The following MPDZ variants were observed in gnomAD, a reference collection of about 807,000 sequenced individuals.
The protein encoded by MPDZ is multiple PDZ domain crumbs cell polarity complex component, also known as multiple PDZ domain protein.
MPDZ carries 234 observed loss-of-function variants against 239.1 expected under a neutral mutation model. The observed-to-expected ratio is 0.98, with a 90% CI of 0.88 to 1.09. The LOEUF is 1.09. Ranked by LOEUF, MPDZ falls within the 50% of genes least tolerant of loss-of-function variation. The pLI is 0.00. For missense variants in MPDZ, 3,175 were observed against 2,510.0 expected (o/e 1.26, Z -5.66); for synonymous variants, 1,048 against 881.3 (o/e 1.19, Z -3.35).
At chr9:13,258,341 T>C (rs1969916804) in intron 1 of MPDZ, among the ~76,000 whole-genome samples, 1 of 152,236 alleles carries the variant, frequency 6.6e-6, no homozygotes, top group South Asian at 2.1e-4. Flanking sequence ...CATACAATTT[T>C]CTACTTATCT....
In MPDZ at chr9:13,224,405, T is replaced by C. The variant is rs767115560; in HGVS notation, c.362A>G (p.Glu121Gly). The C allele has an allele frequency of 3.1e-6, 5 of 1,612,496 alleles. No homozygotes were observed. In the African/African-American group the frequency reaches 6.7e-5, roughly 22 times the overall value. The part of the protein sequence containing the change: ...PHINGKPACD[E>G]FDQLIKNMAQ... ...CATATTTTTGATAAGCTGATCAAAT[T>C]CATCACAAGCAGGTTTCCCATTAAT... Residue 121 changes from glutamate to glycine, a missense_variant, in exon 4 of 47, where the codon GAA (glutamate) becomes GGA (glycine). Physicochemically the swap from Glu to Gly is moderately conservative, Grantham distance 98. Coordinates refer to ENST00000319217, the MANE Select transcript of MPDZ (RefSeq NM_001378778.1).
At chr9:13,145,180 A>C (rs1429355213) in intron 26 of MPDZ, among the ~76,000 whole-genome samples, 1 of 152,088 alleles carries the variant, frequency 6.6e-6, no homozygotes, top group Non-Finnish European at 1.5e-5. Flanking sequence ...TATTAGGAAA[A>C]GATATTTAGA....
intron 4 of MPDZ, 69 bp downstream of exon 4, chr9:13,224,305 T>C (rs973084634): frequency 7.4e-6 from 10 of 1,353,588 alleles, no homozygotes; most frequent in Non-Finnish European, 1.0e-5. Flanking sequence ...CTTCAAATTA[T>C]CCATAACTTG....
intron 21 of MPDZ, among the ~76,000 whole-genome samples, chr9:13,170,670 T>A (rs1005299374): frequency 1.3e-5 from 2 of 152,192 alleles, no homozygotes; most frequent in Admixed American, 6.6e-5. Context: ...ATTAGCACCA[T>A]GCAGACTACA....
intron 1 of MPDZ, among the ~76,000 whole-genome samples, chr9:13,269,496 T>C (rs1396232055): frequency 6.6e-6 from 1 of 152,136 alleles, no homozygotes; most frequent in East Asian, 1.9e-4. Context: ...GATGAAATAG[T>C]GTACATATAG....
chr9:13,265,008 G>T (rs1199732688), intron 1 of MPDZ, among the ~76,000 whole-genome samples: 1 of 152,204 alleles, frequency 6.6e-6, no homozygotes, highest in Non-Finnish European at 1.5e-5. Flanking sequence ...CAGGCAGGGG[G>T]ATTCTTCCAA....
At chr9:13,270,425 TA>T (rs1033644108) in intron 1 of MPDZ, among the ~76,000 whole-genome samples, 2 of 152,074 alleles carry the variant, frequency 1.3e-5, no homozygotes, top group Non-Finnish European at 2.9e-5. Context: ...CTGCATGAGC[TA>T]AAGCTGTGTT....
chr9:13,145,279 A>C (rs1323044905), intron 26 of MPDZ, among the ~76,000 whole-genome samples: 2 of 152,030 alleles, frequency 1.3e-5, no homozygotes, highest in Non-Finnish European at 2.9e-5. Flanking sequence ...AACAACGAAG[A>C]AGCACAGGGA....
At chr9:13,134,755 A>G (rs537536261) in intron 31 of MPDZ, 1 of 152,314 alleles carries the variant, frequency 6.6e-6, no homozygotes, top group African/African-American at 2.4e-5. Flanking sequence ...AAAAACCACT[A>G]ACAGTCTCCT....
intron 24 of MPDZ, among the ~76,000 whole-genome samples, chr9:13,151,141 A>AACAC (rs113800698): frequency 6.4e-4 from 96 of 150,592 alleles, no homozygotes; most frequent in African/African-American, 1.9e-3. Context: ...ACCTACTAAA[A>AACAC]ACACACACAC....
intron 30 of MPDZ, among the ~76,000 whole-genome samples, chr9:13,136,484 A>C (rs1280554144): frequency 6.6e-6 from 1 of 151,486 alleles, no homozygotes; most frequent in Non-Finnish European, 1.5e-5. Context: ...GGTGCGTGCC[A>C]CCACGCCCGG....
At chr9:13,252,454 T>C (rs548503411) in intron 1 of MPDZ, among the ~76,000 whole-genome samples, 1 of 151,190 alleles carries the variant, frequency 6.6e-6, no homozygotes, top group South Asian at 2.1e-4. Context: ...TAATCCCAGC[T>C]ACTCAGGAGT....
chr9:13,115,984 T>G (rs200219624), intron 39 of MPDZ, among the ~76,000 whole-genome samples: 1 of 105,096 alleles, frequency 9.5e-6, no homozygotes, highest in African/African-American at 3.7e-5. Context: ...GCGAACACAA[T>G]AAAACCACCA....
intron 10 of MPDZ, among the ~76,000 whole-genome samples, chr9:13,210,293 A>G (rs1442932845): frequency 6.6e-6 from 1 of 152,156 alleles, no homozygotes; most frequent in Non-Finnish European, 1.5e-5. Flanking sequence ...AATATCCTAT[A>G]TCAAAGCAAG....
intron 12 of MPDZ, among the ~76,000 whole-genome samples, chr9:13,201,639 T>G (rs1373784211): frequency 6.6e-6 from 1 of 152,042 alleles, no homozygotes; most frequent in Non-Finnish European, 1.5e-5. Flanking sequence ...GCTCCTCTGA[T>G]AGGGTTATTT....
chr9:13,156,972 T>C (rs188683378), intron 24 of MPDZ, among the ~76,000 whole-genome samples: 4 of 152,266 alleles, frequency 2.6e-5, no homozygotes, highest in Admixed American at 2.6e-4. Context: ...TTGATGAAAT[T>C]CAAATAAGAA....
At chr9:13,204,630 T>G (rs1305386820) in intron 12 of MPDZ, among the ~76,000 whole-genome samples, 1 of 152,140 alleles carries the variant, frequency 6.6e-6, no homozygotes, top group Non-Finnish European at 1.5e-5. Context: ...CCCAAGAGCT[T>G]ATGTGTTAAT....
At chr9:13,208,528 A>G (rs1957249380) in intron 10 of MPDZ, among the ~76,000 whole-genome samples, 1 of 151,842 alleles carries the variant, frequency 6.6e-6, no homozygotes, top group Non-Finnish European at 1.5e-5. Flanking sequence ...AGGTTTCTGA[A>G]AGAATATAAT....
At chr9:13,211,744 T>C (rs1331990515) in intron 10 of MPDZ, among the ~76,000 whole-genome samples, 2 of 152,104 alleles carry the variant, frequency 1.3e-5, no homozygotes, top group African/African-American at 4.8e-5. Flanking sequence ...CTTACATAAC[T>C]ACCTTTCCCA....
Sources: gnomAD v4.1 joint callset for allele counts (sites outside exome capture counted in the v4.1 genomes callset) on GRCh38, gnomAD v4.1.1 for gene constraint, MANE v1.5 for transcripts, NCBI Gene and HGNC (gene_info 2026-07-23, HGNC 2026-07-21) for gene names.